The following PTPRO variants were observed in gnomAD, a reference collection of about 807,000 sequenced individuals.
PTPRO encodes protein tyrosine phosphatase receptor type O.
A neutral mutation model predicts 145.2 loss-of-function variants in PTPRO; 62 were observed. That is an observed-to-expected ratio of 0.43 (90% CI 0.35 to 0.53). PTPRO has a LOEUF of 0.53. Among genes scored for constraint, PTPRO ranks in the 20% least tolerant of loss-of-function variants. The pLI is 0.01. For synonymous variants in PTPRO, 565 were observed against 514.7 expected, an observed-to-expected ratio of 1.10 and a Z score of -1.32; for missense variants, 1,345 against 1,482.7, an observed-to-expected ratio of 0.91 and a Z score of 1.53.
chr12:15,503,274 A>G (rs1942256993), intron 5 of PTPRO, among the ~76,000 whole-genome samples: 1 of 152,100 alleles, frequency 6.6e-6, no homozygotes. Context: ...GTAGTCACCA[A>G]CTGATGATAA....
chr12:15,425,521 C>T (rs943665279), intron 1 of PTPRO, among the ~76,000 whole-genome samples: 26 of 152,118 alleles, frequency 1.7e-4, no homozygotes, highest in African/African-American at 6.3e-4. Flanking sequence ...TCTTATTAAA[C>T]AAGGCCTTGC....
intron 19 of PTPRO, among the ~76,000 whole-genome samples, chr12:15,571,592 C>G (rs1478318205): frequency 6.6e-6 from 1 of 152,202 alleles, no homozygotes; most frequent in Non-Finnish European, 1.5e-5. Context: ...AGCCCAACCT[C>G]TTTTTCATAG....
chr12:15,456,066 C>G (rs1466041093), intron 1 of PTPRO, among the ~76,000 whole-genome samples: 1 of 152,140 alleles, frequency 6.6e-6, no homozygotes. Context: ...AGAGAAAAAA[C>G]TTTCCATTTT....
intron 12 of PTPRO, among the ~76,000 whole-genome samples, chr12:15,545,536 G>C (rs1943266869): frequency 6.6e-6 from 1 of 151,336 alleles, no homozygotes; most frequent in Non-Finnish European, 1.5e-5. Flanking sequence ...ATGACTATTA[G>C]AATTGAGGAA....
At chr12:15,570,855 A>C (rs1944030051) in intron 19 of PTPRO, among the ~76,000 whole-genome samples, 1 of 152,226 alleles carries the variant, frequency 6.6e-6, no homozygotes, top group African/African-American at 2.4e-5. Flanking sequence ...TTGGTGGCAC[A>C]GCTGGATCAT....
intron 5 of PTPRO, among the ~76,000 whole-genome samples, chr12:15,502,818 T>C (rs1038157689): frequency 6.6e-5 from 10 of 152,180 alleles, no homozygotes; most frequent in African/African-American, 2.2e-4. Context: ...TTTACAGTAA[T>C]ATACTTCATT....
chr12:15,510,040 A>T (rs1339273783), intron 7 of PTPRO, among the ~76,000 whole-genome samples: 1 of 152,204 alleles, frequency 6.6e-6, no homozygotes, highest in African/African-American at 2.4e-5. Flanking sequence ...CCTAAAGGCA[A>T]AAGGAAAAAA....
At position 15,448,339 on chromosome 12, in the gene PTPRO, T is replaced by TAAAAAAAAAAAAAAAAAAAAAAAAAAA. The variant is rs56136736; in HGVS notation, c.76-35614_76-35613insAAAAAAAAAAAAAAAAAAAAAAAAAAA. 8.9e-5 allele frequency among the ~76,000 whole-genome samples: 4 copies of TAAAAAAAAAAAAAAAAAAAAAAAAAAA among 45,046 alleles called. 2 individuals carry two copies. Among genetic ancestry groups the TAAAAAAAAAAAAAAAAAAAAAAAAAAA allele is most frequent in the Admixed American group, 9.4e-4 (2 of 2,122 alleles). 29.6% of individuals were successfully genotyped at this position (45,046 alleles called of 152,430 possible). On this transcript the variant is annotated intron_variant, in intron 1 of 26. Transcript: ENST00000281171. ...CTCTATTCTATCTTCCTGTTCCTAG[T>TAAAAAAAAAAAAAAAAAAAAAAAAAAA]AAAAAAAAAAAAAAAAAAAAAGCAC...
intron 1 of PTPRO, among the ~76,000 whole-genome samples, chr12:15,370,020 C>T (rs575356132): frequency 6.6e-6 from 1 of 151,638 alleles, no homozygotes; most frequent in Non-Finnish European, 1.5e-5. Flanking sequence ...CCACTCCACT[C>T]CAGCCTGGGC....
At chr12:15,415,436 G>A (rs1344445762) in intron 1 of PTPRO, among the ~76,000 whole-genome samples, 7 of 149,484 alleles carry the variant, frequency 4.7e-5, no homozygotes, top group African/African-American at 1.7e-4. Context: ...CCAGGCTGGA[G>A]TGCAGTGGTG....
intron 1 of PTPRO, among the ~76,000 whole-genome samples, chr12:15,469,375 CCT>C (rs1220014807): frequency 6.6e-6 from 1 of 152,100 alleles, no homozygotes; most frequent in Non-Finnish European, 1.5e-5. Flanking sequence ...GTTAGGAACC[CCT>C]GTTTTTCATA....
chr12:15,414,423 A>G (rs535912741), intron 1 of PTPRO, among the ~76,000 whole-genome samples: 665 of 152,286 alleles, frequency 4.4e-3, no homozygotes, highest in Non-Finnish European at 7.6e-3. Flanking sequence ...TTATTAGTCA[A>G]TCAGAATCTA....
At chr12:15,328,466 C>A (rs185702877) in intron 1 of PTPRO, among the ~76,000 whole-genome samples, 3 of 151,986 alleles carry the variant, frequency 2.0e-5, no homozygotes, top group African/African-American at 7.2e-5. Flanking sequence ...AACAAGGTTG[C>A]GGGGATTTCC....
chr12:15,440,047 C>A, intron 1 of PTPRO: 4 of 650,030 alleles, frequency 6.2e-6, no homozygotes, highest in Non-Finnish European at 1.1e-5. Flanking sequence ...ACAAGATCTG[C>A]AAGCCCCACA....
chr12:15,513,096 A>G (rs200554815), intron 7 of PTPRO, among the ~76,000 whole-genome samples: 6,921 of 19,370 alleles, frequency 0.36, 939 homozygotes, highest in African/African-American at 0.46. Flanking sequence ...AAGAAAGAAG[A>G]AAGAAAGAAA....
rs1482393353 is a variant in PTPRO, at chr12:15,484,057, A to C, written c.159A>C (p.Ala53=). The C allele has an allele frequency of 6.2e-7, 1 of 1,613,816 alleles. No homozygotes were observed. Among genetic ancestry groups the C allele is most frequent in the Non-Finnish European group, 8.5e-7 (1 of 1,179,746 alleles). The change falls in exon 2 of 27, where the codon GCA becomes GCC. Residue 53 remains alanine (A), a synonymous_variant. Transcript: ENST00000281171. The part of the protein sequence containing the change: ...SLEASDVISP[A]SVYVVKITGE... ...AAGCTTCAGACGTCATCAGTCCAGC[A>C]TCTGTGTATGTTGTGAAGATAACTG...
chr12:15,422,890 C>A (rs1385585115), intron 1 of PTPRO, among the ~76,000 whole-genome samples: 3 of 152,080 alleles, frequency 2.0e-5, no homozygotes, highest in South Asian at 2.1e-4. Flanking sequence ...AACCAAAGAC[C>A]ATTTCTCCTC....
intron 1 of PTPRO, among the ~76,000 whole-genome samples, chr12:15,395,002 G>A (rs1245041070): frequency 6.6e-6 from 1 of 152,148 alleles, no homozygotes; most frequent in Non-Finnish European, 1.5e-5. Context: ...CAGCAAAAGG[G>A]ACAGAGGAAG....
intron 1 of PTPRO, among the ~76,000 whole-genome samples, chr12:15,403,570 G>A (rs1036059195): frequency 4.6e-5 from 7 of 152,182 alleles, no homozygotes; most frequent in South Asian, 4.2e-4. Flanking sequence ...GTGAGAGAGC[G>A]AGACTCCGTC....
Sources: gnomAD v4.1 joint callset for allele counts (sites outside exome capture counted in the v4.1 genomes callset) on GRCh38, gnomAD v4.1.1 for gene constraint, MANE v1.5 for transcripts, NCBI Gene and HGNC (gene_info 2026-07-23, HGNC 2026-07-21) for gene names.